DNAJC13: variants seen among roughly 807,000 people sequenced by gnomAD.
DNAJC13 encodes dnaJ homolog subfamily C member 13.
Under a neutral mutation model 290.5 loss-of-function variants are expected in DNAJC13, and 75 were observed. The observed-to-expected ratio is 0.26, with a 90% CI of 0.21 to 0.31. DNAJC13 has a LOEUF of 0.31. Among genes scored for constraint, DNAJC13 ranks in the 10% least tolerant of loss-of-function variants. The pLI is 1.00. For synonymous variants in DNAJC13, 862 were observed against 892.0 expected (o/e 0.97, Z 0.60); for missense variants, 2,260 against 2,674.5 (o/e 0.85, Z 3.42).
At chr3:132,456,961 T>C (rs1359945920) in intron 12 of DNAJC13, 129 bp downstream of exon 12, 2 of 1,082,396 alleles carry the variant, frequency 1.8e-6, no homozygotes, top group African/African-American at 3.2e-5. Context: ...TGGTACTTTA[T>C]TCATGAGAAA....
rs1459959690 is a variant in DNAJC13 at position 132,507,244 on chromosome 3, G to T, written c.5006G>T (p.Cys1669Phe). The T allele has an allele frequency of 1.2e-6, 2 of 1,604,110 alleles. No individual in the cohort carries two copies. Among genetic ancestry groups the T allele is most frequent in the South Asian group, 1.1e-5 (1 of 90,094 alleles). Residue 1669 changes from cysteine to phenylalanine, a missense_variant, in exon 43 of 56, where the codon TGT becomes TTT. Physicochemically the swap from Cys to Phe is radical, Grantham distance 205. Transcript: ENST00000260818. ...QQENMIKKGD[C>F]DKTYGSEFVY... is the part of the protein sequence containing the mutation. ...TTTTCATCTTTTAAAAAGGGTGATT[G>T]TGACAAAACTTATGGATCAGAATTT...
chr3:132,482,771 A>C (rs1044044047), intron 27 of DNAJC13, among the ~76,000 whole-genome samples: 4 of 151,906 alleles, frequency 2.6e-5, no homozygotes, highest in Non-Finnish European at 4.4e-5. Context: ...AGGTGGGAGG[A>C]TCGCTTGAGT....
At chr3:132,497,727 G>C (rs1195636690) in intron 36 of DNAJC13, among the ~76,000 whole-genome samples, 1 of 152,184 alleles carries the variant, frequency 6.6e-6, no homozygotes, top group East Asian at 1.9e-4. Context: ...GGCCCATCCT[G>C]GTTTCTCTGT....
In DNAJC13 at chr3:132,453,694, A is replaced by C. The variant is rs374949489; in HGVS notation, c.840A>C (p.Glu280Asp). ...YNIATLKPLG[E>D]VFALVCDSEN... ...TTGCAACATTGAAGCCTTTAGGAGA[A>C]GTAAGTTTCAGCATTGTTAGCTTAA... Residue 280 changes from glutamate to aspartate, a missense_variant and splice_region_variant, in exon 8 of 56, where the codon GAA becomes GAC. Transcript: ENST00000260818. 2.5e-6 allele frequency: 4 copies of C among 1,601,932 alleles called. No individual in the cohort carries two copies. The highest frequency in any genetic ancestry group is 3.4e-6 in the Non-Finnish European group (4 of 1,175,170).
At chr3:132,478,223 G>A in intron 24 of DNAJC13, 83 bp downstream of exon 24, 1 of 1,224,550 alleles carries the variant, frequency 8.2e-7, no homozygotes, top group Non-Finnish European at 1.1e-6. Flanking sequence ...TTTAAATTCT[G>A]TTTGATCACA....
intron 20 of DNAJC13, 177 bp downstream of exon 20, chr3:132,467,490 G>C: frequency 1.7e-6 from 1 of 595,258 alleles, no homozygotes; most frequent in Non-Finnish European, 2.6e-6. Context: ...TTTTGAGACA[G>C]AGCCTTGCTC....
chr3:132,510,679 A>C (rs1247854593), intron 43 of DNAJC13, among the ~76,000 whole-genome samples: 2 of 152,244 alleles, frequency 1.3e-5, no homozygotes, highest in Non-Finnish European at 2.9e-5. Flanking sequence ...GCTATTAAGC[A>C]GAATGAGTTA....
In DNAJC13 at chr3:132,516,414, C is replaced by T. The variant is rs146768459; in HGVS notation, c.5486-8C>T. 6 of 1,613,436 alleles carry T rather than the reference C, an allele frequency of 3.7e-6. No individual in the cohort carries two copies. The highest frequency in any genetic ancestry group is 5.1e-6 in the Non-Finnish European group (6 of 1,179,594). ...GATGCATTCCTTGAAATGTCTTTTA[C>T]TCTGCAGGTCGTCAGCTTGTTCTGG... On this transcript the variant is annotated splice_polypyrimidine_tract_variant and splice_region_variant and intron_variant, in intron 46 of 55. Transcript: ENST00000260818.
At chr3:132,458,038 A>C (rs925141656) in intron 13 of DNAJC13, 2 of 152,190 alleles carry the variant, frequency 1.3e-5, no homozygotes. Flanking sequence ...AAAAACCCAC[A>C]CTGGTAGTAT....
intron 20 of DNAJC13, among the ~76,000 whole-genome samples, chr3:132,467,754 C>A (rs1035927261): frequency 6.6e-6 from 1 of 152,090 alleles, no homozygotes; most frequent in Non-Finnish European, 1.5e-5. Context: ...CGTGAGCCAC[C>A]GCACCCGGCC....
intron 29 of DNAJC13, among the ~76,000 whole-genome samples, chr3:132,487,302 G>A (rs1000171281): frequency 6.6e-6 from 1 of 151,910 alleles, no homozygotes; most frequent in Admixed American, 6.6e-5. Flanking sequence ...TGTCGCCCAG[G>A]TTGGAGTGCA....
rs72994256 is a variant in DNAJC13, at chr3:132,514,828, G to A, written c.5485+158G>A. 7,715 of 596,252 alleles carry A rather than the reference G, an allele frequency of 0.013. 451 individuals carry two copies. Among genetic ancestry groups the A allele is most frequent in the African/African-American group, 0.12 (6,395 of 51,170 alleles). The allele number at this position is 596,252 out of a possible 1,614,324, so 36.9% of individuals were successfully genotyped here. The stretch of plus-strand genomic sequence containing the variant: ...GTCTTCCTAATAATGTTTTACATAC[G>A]TTACTGTCTTGCATTTCCTATGTCA... On this transcript the variant is annotated intron_variant, in intron 46 of 55. Coordinates refer to ENST00000260818, the MANE Select transcript of DNAJC13 (RefSeq NM_015268.4).
At chr3:132,528,082 C>A in intron 53 of DNAJC13, 107 bp from the exon 54 acceptor site, 1 of 1,182,882 alleles carries the variant, frequency 8.5e-7, no homozygotes, top group Non-Finnish European at 1.2e-6. Context: ...CATTAAAATA[C>A]GGTGCAACAG....
chr3:132,504,687 C>T (rs1935531941), intron 41 of DNAJC13, among the ~76,000 whole-genome samples: 1 of 152,084 alleles, frequency 6.6e-6, no homozygotes, highest in Admixed American at 6.6e-5. Flanking sequence ...GATTTTTATT[C>T]AGACATTTAA....
intron 2 of DNAJC13, among the ~76,000 whole-genome samples, chr3:132,434,900 G>T (rs1576458204): frequency 6.6e-6 from 1 of 152,280 alleles, no homozygotes; most frequent in African/African-American, 2.4e-5. Context: ...ATCAATTAAT[G>T]ATGAGGTTAT....
chr3:132,481,066 A>G (rs1388357331), intron 26 of DNAJC13, among the ~76,000 whole-genome samples: 1 of 152,190 alleles, frequency 6.6e-6, no homozygotes, highest in Admixed American at 6.5e-5. Context: ...ATCCCCCAAC[A>G]GCCCTTGGAG....
At chr3:132,453,725 A>C (rs1559875348) in intron 8 of DNAJC13, 31 bp downstream of exon 8, 1 of 1,518,862 alleles carries the variant, frequency 6.6e-7, no homozygotes, top group Admixed American at 1.9e-5. Flanking sequence ...CTTAAATGAG[A>C]TTTCTTTCTA....
chr3:132,489,068 T>C, intron 31 of DNAJC13, 47 bp downstream of exon 31: 1 of 1,517,486 alleles, frequency 6.6e-7, no homozygotes, highest in Non-Finnish European at 9.1e-7. Flanking sequence ...GTAAGCTGTT[T>C]TGGCACTATA....
chr3:132,447,576 A>G lies in DNAJC13; in HGVS notation c.294+106A>G, dbSNP rs142865380. The stretch of plus-strand genomic sequence containing the variant: ...AATGTTCTCTGCCCCTGTACCCACT[A>G]TGATTATTTTTTTCTTACTGACCTT... On this transcript the variant is annotated intron_variant, in intron 4 of 55. Coordinates refer to ENST00000260818, the MANE Select transcript of DNAJC13 (RefSeq NM_015268.4). The G allele has an allele frequency of 5.3e-4, 616 of 1,165,032 alleles. 4 individuals carry two copies. The East Asian group carries it at 9.7e-3, about 18-fold the overall frequency. The allele number at this position is 1,165,032 out of a possible 1,614,324, so 72.2% of individuals were successfully genotyped here. A position where few individuals can be genotyped will look rare whatever the true frequency, so the allele number is the denominator to read the frequency against.
Sources: gnomAD v4.1 joint callset for allele counts (sites outside exome capture counted in the v4.1 genomes callset) on GRCh38, gnomAD v4.1.1 for gene constraint, MANE v1.5 for transcripts, NCBI Gene and HGNC (gene_info 2026-07-23, HGNC 2026-07-21) for gene names.